OLAH: variants seen among roughly 807,000 people sequenced by gnomAD.
OLAH encodes the protein S-acyl fatty acid synthase thioesterase, medium chain.
A neutral mutation model predicts 27.8 loss-of-function variants in OLAH; 33 were observed. That is an observed-to-expected ratio of 1.19 (90% CI 0.90 to 1.59). The LOEUF is 1.59. Ranked by LOEUF, OLAH falls within the 40% of genes most tolerant of loss-of-function variation. The pLI, the probability that OLAH is intolerant of heterozygous loss-of-function variation, is 0.00. For missense variants in OLAH, 359 were observed against 310.8 expected, an observed-to-expected ratio of 1.16 and a Z score of -1.17; for synonymous variants, 120 against 102.9, an observed-to-expected ratio of 1.17 and a Z score of -1.01.
In OLAH at chr10:15,034,109, T is replaced by TTTTC. The variant is rs1564523151; in HGVS notation, c.-164+1762_-164+1763insCTTT. 1.0e-2 allele frequency among the ~76,000 whole-genome samples: 1,113 copies of TTTTC among 111,422 alleles called. 17 individuals are homozygous for TTTTC. Among genetic ancestry groups the TTTTC allele is most frequent in the African/African-American group, 0.032 (965 of 30,614 alleles). The allele number at this position is 111,422 out of a possible 152,430, so 73.1% of individuals were successfully genotyped here. A position where few individuals can be genotyped will look rare whatever the true frequency, so the allele number is the denominator to read the frequency against. On this transcript the variant is annotated intron_variant, in intron 1 of 3. Coordinates refer to the OLAH transcript ENST00000413672. ...GAAAGGGCAGACTCCACCATTTTTT[T>TTTTC]TTTTTCTTTTTTTTTTTTTTTTGAG...
chr10:15,061,352 A>G (rs888193210), intron 3 of OLAH, among the ~76,000 whole-genome samples: 3 of 152,214 alleles, frequency 2.0e-5, no homozygotes, highest in Non-Finnish European at 4.4e-5. Context: ...AATGCATTCC[A>G]GTGCCTTATC....
chr10:15,045,111 C>G (rs1348649370), intron 1 of OLAH, among the ~76,000 whole-genome samples: 2 of 152,146 alleles, frequency 1.3e-5, no homozygotes, highest in African/African-American at 4.8e-5. Flanking sequence ...GTTATTCTTA[C>G]CGGAGGATGC....
At chr10:15,061,893 G>A in intron 4 of OLAH, 31 bp downstream of exon 4, 1 of 1,597,640 alleles carries the variant, frequency 6.3e-7, no homozygotes, top group Non-Finnish European at 8.5e-7. Flanking sequence ...AAGACTTCAG[G>A]GGAGTTTCTT....
At chr10:15,064,144 G>C (rs146478779) in intron 4 of OLAH, among the ~76,000 whole-genome samples, 258 of 152,292 alleles carry the variant, frequency 1.7e-3, no homozygotes, top group Non-Finnish European at 3.1e-3. Flanking sequence ...CTTTAAGGAA[G>C]AAAAGGAAAT....
intron 6 of OLAH, among the ~76,000 whole-genome samples, chr10:15,070,780 CTTT>C (rs71390010): frequency 0.094 from 9,368 of 99,602 alleles, 336 homozygotes; most frequent in Admixed American, 0.16. Flanking sequence ...CACGCCTGAA[CTTT>C]TTTTTTTTTT....
At chr10:15,051,191 T>C (rs529294780) in intron 3 of OLAH, among the ~76,000 whole-genome samples, 1 of 151,954 alleles carries the variant, frequency 6.6e-6, no homozygotes, top group African/African-American at 2.4e-5. Context: ...TTCTCCTGCC[T>C]CAGCCTCCCA....
At chr10:15,036,553 A>G (rs1399085190) in intron 1 of OLAH, among the ~76,000 whole-genome samples, 2 of 152,072 alleles carry the variant, frequency 1.3e-5, no homozygotes, top group African/African-American at 2.4e-5. Flanking sequence ...CAGTGCCACA[A>G]CCACAGCTCA....
chr10:15,046,513 G>A (rs938044745), intron 1 of OLAH, among the ~76,000 whole-genome samples: 7 of 151,798 alleles, frequency 4.6e-5, no homozygotes, highest in Non-Finnish European at 8.8e-5. Flanking sequence ...TGTCACCCAG[G>A]CTGGAGTGCA....
At chr10:15,056,564 G>T (rs1200173325) in intron 3 of OLAH, among the ~76,000 whole-genome samples, 2 of 152,064 alleles carry the variant, frequency 1.3e-5, no homozygotes, top group African/African-American at 2.4e-5. Context: ...TTGATTGCTT[G>T]TCTTTTTCTC....
intron 6 of OLAH, 88 bp downstream of exon 6, chr10:15,065,841 T>C: frequency 1.6e-6 from 2 of 1,212,710 alleles, no homozygotes; most frequent in South Asian, 1.5e-5. Flanking sequence ...GTTGCTTATG[T>C]GGGAAGACAA....
intron 1 of OLAH, among the ~76,000 whole-genome samples, chr10:15,037,285 A>G (rs959350740): frequency 6.6e-6 from 1 of 152,184 alleles, no homozygotes; most frequent in Non-Finnish European, 1.5e-5. Context: ...ACTTTAAAGA[A>G]TTATTATCAT....
At chr10:15,067,388 A>G (rs55800805) in intron 6 of OLAH, among the ~76,000 whole-genome samples, 3,531 of 60,068 alleles carry the variant, frequency 0.059, 130 homozygotes, top group African/African-American at 0.3. Flanking sequence ...GGATAAGAAT[A>G]GCACCTTTCA....
intron 6 of OLAH, among the ~76,000 whole-genome samples, chr10:15,070,141 TTC>T (rs1589254649): frequency 9.6e-6 from 1 of 103,798 alleles, no homozygotes. Context: ...ATGCTGCAGT[TTC>T]TCTGTTTTTT....
intron 3 of OLAH, among the ~76,000 whole-genome samples, chr10:15,052,372 T>G (rs940753516): frequency 3.3e-5 from 5 of 152,208 alleles, no homozygotes; most frequent in Non-Finnish European, 5.9e-5. Flanking sequence ...GGCAGACTCA[T>G]GATTCCAATA....
chr10:15,063,191 A>G (rs1403290808), intron 4 of OLAH, among the ~76,000 whole-genome samples: 1 of 152,164 alleles, frequency 6.6e-6, no homozygotes, highest in Non-Finnish European at 1.5e-5. Context: ...CAGTGGTGCA[A>G]TCATGGCTCA....
Position 15,061,769 on chromosome 10 carries a change from C to T in OLAH, c.209C>T (p.Pro70Leu), listed in dbSNP as rs751641526. 24 of 1,613,486 alleles carry T rather than the reference C, an allele frequency of 1.5e-5. No homozygotes were observed. The Admixed American group carries it at 3.8e-4, about 26-fold the overall frequency. The change falls in exon 4 of 8, where the codon CCT becomes CTT. Residue 70 changes from proline to leucine, a missense_variant. Pro to Leu is a moderately conservative substitution (Grantham distance 98). Transcript: ENST00000378228. ...LPGRESRVEE[P>L]LENDISQLVD... ...GGAAGAGAAAGCAGAGTTGAAGAAC[C>T]TCTTGAAAATGACATCTCCCAGTTA...
At chr10:15,044,466 A>T (rs1843977352) in intron 1 of OLAH, among the ~76,000 whole-genome samples, 1 of 149,550 alleles carries the variant, frequency 6.7e-6, no homozygotes, top group South Asian at 2.1e-4. Context: ...CTTTTTTTTT[A>T]AATTTTGAGA....
intron 1 of OLAH, among the ~76,000 whole-genome samples, chr10:15,038,437 G>A (rs538572595): frequency 1.3e-5 from 2 of 152,128 alleles, no homozygotes; most frequent in South Asian, 2.1e-4. Flanking sequence ...ATTTCATCTC[G>A]AATTGTAACT....
chr10:15,034,114 T>C lies in OLAH; in HGVS notation c.-164+1764T>C, dbSNP rs199723049. Reference sequence around the variant, plus strand: ...GGCAGACTCCACCATTTTTTTTTTTTCTTTTTTTTTTTTTTTTGAGACGGA... The same window carrying C: ...GGCAGACTCCACCATTTTTTTTTTTCCTTTTTTTTTTTTTTTTGAGACGGA... On this transcript the variant is annotated intron_variant, in intron 1 of 3. Transcript: ENST00000413672. Among the ~76,000 whole-genome samples the C allele has an allele frequency of 5.2e-3, 626 of 119,322 alleles. 9 individuals carry two copies. Among genetic ancestry groups the C allele is most frequent in the African/African-American group, 0.019 (594 of 31,806 alleles). 78.3% of individuals were successfully genotyped at this position (119,322 alleles called of 152,430 possible).
Sources: allele counts gnomAD v4.1 joint callset (sites outside exome capture counted in the v4.1 genomes callset), GRCh38; gene constraint gnomAD v4.1.1; transcripts MANE v1.5; gene names NCBI Gene and HGNC (gene_info 2026-07-23, HGNC 2026-07-21).